The following ERCC5 variants were observed in gnomAD, a reference collection of about 807,000 sequenced individuals.
The protein encoded by ERCC5 is DNA excision repair protein ERCC-5.
Under a neutral mutation model 105.6 loss-of-function variants are expected in ERCC5, and 68 were observed. That is an observed-to-expected ratio of 0.64 (90% CI 0.53 to 0.79). ERCC5 has a LOEUF of 0.79. Ranked by LOEUF, ERCC5 falls within the 30% of genes least tolerant of loss-of-function variation. ERCC5 has a pLI of 0.00. For missense variants in ERCC5, 1,373 were observed against 1,426.7 expected, an observed-to-expected ratio of 0.96 and a Z score of 0.61; for synonymous variants, 546 against 526.2, an observed-to-expected ratio of 1.04 and a Z score of -0.51.
chr13:102,848,980 A>G (rs1004486688), intron 1 of ERCC5: 1 of 354,778 alleles, frequency 2.8e-6, no homozygotes, highest in South Asian at 2.2e-5. Context: ...GAAGCTTCAT[A>G]TCCTATTCTA....
At chr13:102,871,397 A>G (rs1883029033) in intron 12 of ERCC5, among the ~76,000 whole-genome samples, 1 of 152,230 alleles carries the variant, frequency 6.6e-6, no homozygotes, top group Non-Finnish European at 1.5e-5. Flanking sequence ...AATGGAAAAC[A>G]TTGAAAAATG....
chr13:102,869,513 A>AT (rs1374352606), intron 12 of ERCC5, among the ~76,000 whole-genome samples: 4 of 151,722 alleles, frequency 2.6e-5, no homozygotes, highest in African/African-American at 4.9e-5. Context: ...TGTGTGTATG[A>AT]TTTTTTTTAT....
At position 102,868,263 on chromosome 13, in the gene ERCC5, G is replaced by T. The variant is rs1882916451; in HGVS notation, c.2678+6G>T. The T allele has an allele frequency of 2.5e-6, 4 of 1,613,952 alleles. No individual in the cohort carries two copies. The highest frequency in any genetic ancestry group is 1.3e-5 in the African/African-American group (1 of 74,902). On this transcript the variant is annotated splice_donor_region_variant and intron_variant, in intron 12 of 14. Transcript: ENST00000652225. ...GAACCTCTCCTAAAATTCTCGTAAG[G>T]TCTTTTATTTCTTTAATTTGGATAA...
At chr13:102,874,056 T>C (rs1424513717) in intron 14 of ERCC5, among the ~76,000 whole-genome samples, 1 of 152,252 alleles carries the variant, frequency 6.6e-6, no homozygotes, top group Non-Finnish European at 1.5e-5. Context: ...AGTTTCTCTT[T>C]GTTTTTTGGA....
intron 1 of ERCC5, among the ~76,000 whole-genome samples, chr13:102,847,808 C>A (rs1295110820): frequency 5.9e-5 from 9 of 152,192 alleles, no homozygotes; most frequent in African/African-American, 1.7e-4. Flanking sequence ...GACAAGAACC[C>A]TTAAAACTTC....
At chr13:102,858,233 A>G in intron 5 of ERCC5, 42 bp from the exon 6 acceptor site, 1 of 1,613,552 alleles carries the variant, frequency 6.2e-7, no homozygotes, top group Non-Finnish European at 8.5e-7. Context: ...AACTAAGTGT[A>G]TGAAATGTAA....
At position 102,862,198 on chromosome 13, in the gene ERCC5, C is replaced by T; in HGVS notation, c.1049C>T (p.Ala350Val). ...PSPRTLLAMQ[A>V]ALLGSSSEEE... ...CCAAGAACTTTACTAGCTATGCAAG[C>T]TGCCCTGCTGGGAAGTAGCTCAGAA... The change falls in exon 8 of 15, where the codon GCT becomes GTT. Residue 350 changes from alanine to valine, a missense_variant. By Grantham distance (64) the Ala-to-Val change is moderately conservative. Coordinates refer to ENST00000652225, the MANE Select transcript of ERCC5 (RefSeq NM_000123.4). 1 of 1,614,184 alleles carries T rather than the reference C, an allele frequency of 6.2e-7. No homozygotes were observed. The highest frequency in any genetic ancestry group is 8.5e-7 in the Non-Finnish European group (1 of 1,180,034).
intron 1 of ERCC5, among the ~76,000 whole-genome samples, chr13:102,846,754 A>AT (rs869210205): frequency 8.6e-5 from 13 of 150,572 alleles, no homozygotes. Context: ...TTATTTATTT[A>AT]TTTTTTTCCA....
chr13:102,847,514 G>C (rs1882022282), intron 1 of ERCC5, among the ~76,000 whole-genome samples: 1 of 151,920 alleles, frequency 6.6e-6, no homozygotes, highest in Middle Eastern at 3.2e-3. Flanking sequence ...TCTTCAGTAG[G>C]TACAAAACTT....
chr13:102,864,404 C>A (rs982253666), intron 8 of ERCC5, among the ~76,000 whole-genome samples: 1 of 152,138 alleles, frequency 6.6e-6, no homozygotes, highest in Non-Finnish European at 1.5e-5. Flanking sequence ...TACTTGACAT[C>A]CTCCTATGAG....
chr13:102,861,200 G>T (rs1882605702), intron 6 of ERCC5, among the ~76,000 whole-genome samples: 1 of 152,042 alleles, frequency 6.6e-6, no homozygotes, highest in African/African-American at 2.4e-5. Context: ...CGTTGGCCAG[G>T]CTGGTCTCGA....
At position 102,846,203 on chromosome 13, in the gene ERCC5, C is replaced by A; in HGVS notation, c.-64C>A. On this transcript the variant is annotated 5_prime_UTR_variant, in exon 1 of 15. Coordinates refer to ENST00000652225, the MANE Select transcript of ERCC5 (RefSeq NM_000123.4). ...CCTCCCGGGGTCCTAGGCGGCGGTG[C>A]AGTCCGTCGTAGAAGAATTAGAGTA... is the stretch of plus-strand genomic sequence containing the variant. 7.2e-7 allele frequency: 1 copy of A among 1,392,446 alleles called. No homozygotes were observed. The highest frequency in any genetic ancestry group is 1.2e-5 in the South Asian group (1 of 83,450). 86.3% of individuals were successfully genotyped at this position (1,392,446 alleles called of 1,614,324 possible). A position where few individuals can be genotyped will look rare whatever the true frequency, so the allele number is the denominator to read the frequency against.
rs143945467 is a variant in ERCC5, at chr13:102,872,500, G to A, written c.2879+102G>A. On this transcript the variant is annotated intron_variant, in intron 13 of 14. Transcript: ENST00000652225. ...TTGGATCATTTTTTTCTTATATCCC[G>A]TTAATCCCATTTTCTTAATATCCCG... The A allele has an allele frequency of 7.1e-4, 980 of 1,379,430 alleles. 7 individuals are homozygous for A. In the South Asian group the frequency reaches 8.5e-3, roughly 12 times the overall value. 85.4% of individuals were successfully genotyped at this position (1,379,430 alleles called of 1,614,324 possible).
At chr13:102,860,516 G>T (rs1268083804) in intron 6 of ERCC5, among the ~76,000 whole-genome samples, 2 of 152,122 alleles carry the variant, frequency 1.3e-5, no homozygotes, top group Non-Finnish European at 2.9e-5. Context: ...GGCATCCTCT[G>T]GGGGTCTTGG....
chr13:102,858,325 C>T lies in ERCC5; in HGVS notation c.579C>T (p.Phe193=), dbSNP rs757139343. The change falls in exon 6 of 15, where the codon TTC becomes TTT. Residue 193 remains phenylalanine, a synonymous_variant. Coordinates refer to ENST00000652225, the MANE Select transcript of ERCC5 (RefSeq NM_000123.4). ...PQAIDIESED[F]SSLPPEVKHE... ...CGATAGATATTGAGTCTGAGGACTT[C>T]AGCAGCCTGCCCCCTGAAGTAAAGC... is the stretch of plus-strand genomic sequence containing the variant. The T allele has an allele frequency of 4.3e-6, 7 of 1,614,004 alleles. No individual in the cohort carries two copies. Among genetic ancestry groups the T allele is most frequent in the Non-Finnish European group, 5.1e-6 (6 of 1,180,022 alleles).
intron 12 of ERCC5, among the ~76,000 whole-genome samples, chr13:102,871,148 C>T (rs1007038341): frequency 1.8e-4 from 27 of 152,256 alleles, no homozygotes; most frequent in African/African-American, 5.3e-4. Context: ...GAGGTGGCTT[C>T]GGCCTCGGGG....
At position 102,846,072 on chromosome 13, in the gene ERCC5, CAG is replaced by C. The variant is rs4150250; in HGVS notation, c.-192_-191del. On this transcript the variant is annotated 5_prime_UTR_variant, in exon 1 of 15. Coordinates refer to ENST00000652225, the MANE Select transcript of ERCC5 (RefSeq NM_000123.4). ...GACAGCTGCTGAGACGTGTTGCAGC[CAG>C]AGTCTCTCCGCTTTAATGCGCTCCC... The C allele has an allele frequency of 5.1e-4, 305 of 592,782 alleles. 4 individuals are homozygous for C. The East Asian group carries it at 6.9e-3, about 13-fold the overall frequency. The allele number at this position is 592,782 out of a possible 1,614,324, so 36.7% of individuals were successfully genotyped here.
chr13:102,875,980 A>T lies in ERCC5; in HGVS notation c.*77A>T. 6.5e-7 allele frequency: 1 copy of T among 1,547,778 alleles called. No homozygotes were observed. Among genetic ancestry groups the T allele is most frequent in the South Asian group, 1.1e-5 (1 of 87,536 alleles). On this transcript the variant is annotated 3_prime_UTR_variant, in exon 15 of 15. Transcript: ENST00000652225. ...TTTGTCGCAAAGACGTAATAAAATT[A>T]ACTGGTGGCACGGTCTTTGTATTTA...
Position 102,862,691 on chromosome 13 carries a change from T to C in ERCC5, c.1542T>C (p.Pro514=). The C allele has an allele frequency of 6.2e-7, 1 of 1,614,192 alleles. No individual in the cohort carries two copies. Among genetic ancestry groups the C allele is most frequent in the Non-Finnish European group, 8.5e-7 (1 of 1,180,020 alleles). The change falls in exon 8 of 15, where the codon CCT becomes CCC. Residue 514 remains proline (P), a synonymous_variant. Transcript: ENST00000652225. ...ESAVVRHSDA[P]GLPNGRELTP... ...CAGTGGTTAGACATAGTGACGCACCTGGGCTCCCGAATGGAAGGGAACTGA... is the reference window on the plus strand; with the variant it reads ...CAGTGGTTAGACATAGTGACGCACCCGGGCTCCCGAATGGAAGGGAACTGA...
Sources: gnomAD v4.1 joint callset for allele counts (sites outside exome capture counted in the v4.1 genomes callset) on GRCh38, gnomAD v4.1.1 for gene constraint, MANE v1.5 for transcripts, NCBI Gene and HGNC (gene_info 2026-07-23, HGNC 2026-07-21) for gene names.